The following SNX29 variants were observed in gnomAD, a reference collection of about 807,000 sequenced individuals.
SNX29 encodes sorting nexin-29.
A neutral mutation model predicts 102.1 loss-of-function variants in SNX29; 78 were observed. The ratio of observed to expected loss-of-function variants is 0.76; its 90% CI spans 0.64 to 0.92. SNX29 has a LOEUF of 0.92. Among genes scored for constraint, SNX29 ranks in the 40% least tolerant of loss-of-function variants. The probability of loss-of-function intolerance (pLI) is 0.00; values close to 1 mark genes in which losing one functional copy is unlikely to be tolerated. For synonymous variants in SNX29, 580 were observed against 414.5 expected, an observed-to-expected ratio of 1.40 and a Z score of -4.85; for missense variants, 1,280 against 1,061.7, an observed-to-expected ratio of 1.21 and a Z score of -2.86.
At chr16:12,016,739 T>C (rs553255727) in intron 3 of SNX29, among the ~76,000 whole-genome samples, 1 of 152,296 alleles carries the variant, frequency 6.6e-6, no homozygotes, top group African/African-American at 2.4e-5. Flanking sequence ...TGTCTGTTCA[T>C]TTCTTGTTCA....
chr16:12,072,713 C>T (rs1211356814), intron 10 of SNX29, among the ~76,000 whole-genome samples: 1 of 152,044 alleles, frequency 6.6e-6, no homozygotes, highest in African/African-American at 2.4e-5. Context: ...CCCTCTTTTT[C>T]TATTGATTGG....
At chr16:12,424,302 T>G (rs2151599704) in intron 18 of SNX29, among the ~76,000 whole-genome samples, 1 of 152,340 alleles carries the variant, frequency 6.6e-6, no homozygotes, top group South Asian at 2.1e-4. Flanking sequence ...GGCCCCATGG[T>G]CAGTTTCTGT....
chr16:12,508,688 C>T (rs1235089456), intron 19 of SNX29, among the ~76,000 whole-genome samples: 1 of 152,198 alleles, frequency 6.6e-6, no homozygotes, highest in Non-Finnish European at 1.5e-5. Flanking sequence ...GTGGCCATTG[C>T]AGTATGGAAT....
Position 12,572,456 on chromosome 16 carries a change from AT to A in SNX29, c.*3831del, listed in dbSNP as rs1567231203. 1.5e-5 allele frequency: 16 copies of A among 1,063,358 alleles called. No individual in the cohort carries two copies. The highest frequency in any genetic ancestry group is 1.6e-5 in the Non-Finnish European group (14 of 878,076). 65.9% of individuals were successfully genotyped at this position (1,063,358 alleles called of 1,614,324 possible). On this transcript the variant is annotated 3_prime_UTR_variant, in exon 21 of 21. Transcript: ENST00000566228. ...TGCCTCTCTTGGTTCTGCATGGTAC[AT>A]TTTGCCAACCCTGAGGACCAGTTCT...
intron 18 of SNX29, among the ~76,000 whole-genome samples, chr16:12,414,946 C>G (rs1332598680): frequency 6.6e-6 from 1 of 152,170 alleles, no homozygotes; most frequent in Non-Finnish European, 1.5e-5. Context: ...TGGTCTCGAA[C>G]TCCTAACCTC....
intron 16 of SNX29, among the ~76,000 whole-genome samples, chr16:12,370,840 G>T (rs530562081): frequency 2.6e-5 from 4 of 152,208 alleles, no homozygotes; most frequent in Non-Finnish European, 5.9e-5. Flanking sequence ...CGACCAGCAC[G>T]TTATGTGATT....
intron 16 of SNX29, among the ~76,000 whole-genome samples, chr16:12,393,599 C>T (rs1324147397): frequency 6.6e-6 from 1 of 152,086 alleles, no homozygotes. Context: ...AGAATGTGAA[C>T]CGTAGAGGGT....
At chr16:12,428,393 G>A (rs1041159303) in intron 18 of SNX29, among the ~76,000 whole-genome samples, 1 of 152,136 alleles carries the variant, frequency 6.6e-6, no homozygotes, top group Non-Finnish European at 1.5e-5. Flanking sequence ...GTAGTAGCCA[G>A]TTTCTTAAAA....
At chr16:12,257,710 T>G (rs2078617517) in intron 14 of SNX29, among the ~76,000 whole-genome samples, 1 of 113,956 alleles carries the variant, frequency 8.8e-6, no homozygotes, top group African/African-American at 3.6e-5. Context: ...TTTTTTTTTG[T>G]AGCATCAGGG....
chr16:12,300,677 G>C (rs2080139971), intron 15 of SNX29, among the ~76,000 whole-genome samples: 1 of 152,154 alleles, frequency 6.6e-6, no homozygotes, highest in African/African-American at 2.4e-5. Context: ...ACTTCTCTTT[G>C]AGTTCCAGGC....
At chr16:12,314,708 A>T (rs111328852) in intron 15 of SNX29, among the ~76,000 whole-genome samples, 161 of 152,354 alleles carry the variant, frequency 1.1e-3, no homozygotes, top group Non-Finnish European at 1.9e-3. Flanking sequence ...TGGATTTTAT[A>T]ACACTAAATC....
At chr16:12,369,349 T>C (rs1353875184) in intron 16 of SNX29, among the ~76,000 whole-genome samples, 4 of 152,118 alleles carry the variant, frequency 2.6e-5, no homozygotes, top group Admixed American at 1.3e-4. Context: ...TTGGCCAGGC[T>C]GGTCTTGAAC....
At chr16:11,991,008 C>T (rs921075292) in intron 1 of SNX29, among the ~76,000 whole-genome samples, 3 of 152,294 alleles carry the variant, frequency 2.0e-5, no homozygotes, top group African/African-American at 4.8e-5. Flanking sequence ...ACCCTTTGGC[C>T]CACAAAGCCT....
At position 12,154,905 on chromosome 16, in the gene SNX29, C is replaced by T. The variant is rs569392429; in HGVS notation, c.1595+25147C>T. Among the ~76,000 whole-genome samples the T allele has an allele frequency of 2.6e-5, 4 of 152,304 alleles. No homozygotes were observed. The East Asian group carries it at 5.8e-4, about 22-fold the overall frequency. On this transcript the variant is annotated intron_variant, in intron 13 of 20. Transcript: ENST00000566228. ...CATAACCATAGGCTCTTTAAAATGC[C>T]GCACCTCCTAATATCATCATCTTGG...
chr16:12,556,889 G>GA (rs2078390305), intron 20 of SNX29, among the ~76,000 whole-genome samples: 1 of 148,458 alleles, frequency 6.7e-6, no homozygotes, highest in South Asian at 2.1e-4. Flanking sequence ...GTCTCCGTCT[G>GA]TCTCCTCACC....
At chr16:12,037,401 G>A (rs371716823) in intron 4 of SNX29, among the ~76,000 whole-genome samples, 29 of 152,184 alleles carry the variant, frequency 1.9e-4, no homozygotes, top group African/African-American at 6.8e-4. Flanking sequence ...GTCCAGGGCT[G>A]AGACTGGGGT....
intron 13 of SNX29, among the ~76,000 whole-genome samples, chr16:12,133,400 C>T (rs1263813028): frequency 6.7e-6 from 1 of 149,096 alleles, no homozygotes; most frequent in Admixed American, 6.7e-5. Flanking sequence ...AAGCAATTCT[C>T]CCACTTCAGC....
chr16:12,099,795 C>T (rs544269274), intron 11 of SNX29, among the ~76,000 whole-genome samples: 5 of 152,258 alleles, frequency 3.3e-5, no homozygotes, highest in African/African-American at 1.2e-4. Context: ...GGGGTGCTAG[C>T]CCACCTCCCT....
chr16:12,123,731 G>A (rs2054080844), intron 11 of SNX29, among the ~76,000 whole-genome samples: 1 of 152,138 alleles, frequency 6.6e-6, no homozygotes, highest in African/African-American at 2.4e-5. Context: ...AGAAGGCTGA[G>A]AGTGGGGCAT....
Sources: gnomAD v4.1 joint callset for allele counts (sites outside exome capture counted in the v4.1 genomes callset) on GRCh38, gnomAD v4.1.1 for gene constraint, MANE v1.5 for transcripts, NCBI Gene and HGNC (gene_info 2026-07-23, HGNC 2026-07-21) for gene names.